Variants in SLC25A26 observed in about 807,000 individuals in gnomAD.
SLC25A26 encodes solute carrier family 25 member 26.
In SLC25A26, 36 loss-of-function variants were observed where a neutral mutation model predicts 37.8. The observed-to-expected ratio is 0.95, with a 90% CI of 0.73 to 1.26. The LOEUF (loss-of-function observed/expected upper bound fraction) is 1.26. Ranked by LOEUF, SLC25A26 falls within the 50% of genes most tolerant of loss-of-function variation. The pLI, the probability that SLC25A26 is intolerant of heterozygous loss-of-function variation, is 0.00. For missense variants in SLC25A26, 390 were observed against 331.1 expected, an observed-to-expected ratio of 1.18 and a Z score of -1.38; for synonymous variants, 129 against 122.5, an observed-to-expected ratio of 1.05 and a Z score of -0.35.
intron 5 of SLC25A26, among the ~76,000 whole-genome samples, chr3:66,292,458 G>T (rs141311661): frequency 1.4e-4 from 22 of 152,216 alleles, no homozygotes; most frequent in African/African-American, 4.8e-4. Flanking sequence ...TCCATATTTA[G>T]TGCTTCCTTC....
chr3:66,310,182 C>G (rs886098948), intron 5 of SLC25A26, among the ~76,000 whole-genome samples: 16 of 152,148 alleles, frequency 1.1e-4, no homozygotes, highest in African/African-American at 3.9e-4. Flanking sequence ...TCTGAGTGCT[C>G]CTGTATTGGG....
intron 1 of SLC25A26, among the ~76,000 whole-genome samples, chr3:66,224,132 T>A (rs2106896614): frequency 6.6e-6 from 1 of 152,348 alleles, no homozygotes; most frequent in Non-Finnish European, 1.5e-5. Context: ...TGCTTGTACC[T>A]AATTAAAGCT....
At chr3:66,259,996 C>A (rs2073457517) in intron 3 of SLC25A26, among the ~76,000 whole-genome samples, 1 of 152,200 alleles carries the variant, frequency 6.6e-6, no homozygotes, top group East Asian at 1.9e-4. Flanking sequence ...GCTGATTCCC[C>A]TGAACACCCT....
intron 3 of SLC25A26, among the ~76,000 whole-genome samples, chr3:66,254,595 C>T (rs1394107521): frequency 6.6e-6 from 1 of 152,198 alleles, no homozygotes; most frequent in Non-Finnish European, 1.5e-5. Flanking sequence ...GAAATTAAAC[C>T]TTGAACCTCT....
At chr3:66,184,588 C>CTCACCTTGAGTTTACTATGTATTACATGG in intron 1 of SLC25A26, among the ~76,000 whole-genome samples, 1 of 152,286 alleles carries the variant, frequency 6.6e-6, no homozygotes, top group Non-Finnish European at 1.5e-5. Context: ...CCTGACTCTG[C>CTCACCTTGAGTTTACTATGTATTACATGG]TCACCTTGAG....
chr3:66,141,370 C>A (rs115744750), intron 1 of SLC25A26, among the ~76,000 whole-genome samples: 1,694 of 151,952 alleles, frequency 0.011, 16 homozygotes, highest in Non-Finnish European at 0.016. Context: ...GCGACTACAG[C>A]CATGTACCAC....
At chr3:66,184,620 A>ACCTTGAGTTTACTATGT (rs2070788205) in intron 1 of SLC25A26, among the ~76,000 whole-genome samples, 11 of 151,904 alleles carry the variant, frequency 7.2e-5, no homozygotes, top group African/African-American at 1.4e-4. Flanking sequence ...TTACATGCTC[A>ACCTTGAGTTTACTATGT]ACCAAATCCT....
chr3:66,275,079 T>G (rs930397913), intron 5 of SLC25A26, among the ~76,000 whole-genome samples: 11 of 151,828 alleles, frequency 7.2e-5, no homozygotes, highest in African/African-American at 2.7e-4. Context: ...CCATAAAAAA[T>G]GATGAGTTAA....
chr3:66,134,207 C>A (rs1452119147), intron 1 of SLC25A26, among the ~76,000 whole-genome samples: 2 of 152,130 alleles, frequency 1.3e-5, no homozygotes, highest in African/African-American at 4.8e-5. Flanking sequence ...TTGTGATAAC[C>A]TTTGACACTT....
chr3:66,253,022 T>TAC (rs2073145269), intron 3 of SLC25A26, among the ~76,000 whole-genome samples: 1 of 48,440 alleles, frequency 2.1e-5, no homozygotes, highest in African/African-American at 8.0e-5. Context: ...GGCAAAATAA[T>TAC]GCCCCCCCCC....
At chr3:66,299,572 G>C (rs946030289) in intron 5 of SLC25A26, among the ~76,000 whole-genome samples, 1 of 152,168 alleles carries the variant, frequency 6.6e-6, no homozygotes, top group East Asian at 1.9e-4. Flanking sequence ...CACTAACACA[G>C]TTCCGTAGTC....
At chr3:66,141,317 C>T (rs906688615) in intron 1 of SLC25A26, among the ~76,000 whole-genome samples, 4 of 151,554 alleles carry the variant, frequency 2.6e-5, no homozygotes, top group African/African-American at 7.3e-5. Flanking sequence ...GGTCTGGCCT[C>T]GAGGGCTCAA....
Position 66,195,962 on chromosome 3 carries a change from G to A in SLC25A26, c.-353-24780G>A, listed in dbSNP as rs1015845492. 6.3e-3 allele frequency among the ~76,000 whole-genome samples: 959 copies of A among 152,330 alleles called. 11 individuals carry two copies. Among genetic ancestry groups the A allele is most frequent in the African/African-American group, 0.021 (893 of 41,582 alleles). On this transcript the variant is annotated intron_variant, in intron 1 of 10. Transcript: ENST00000676754. ...GTCCGCCTTTTGGCTAAGATCAAGCGTAGGAGCTATTGATATACATTTATT... is the reference window on the plus strand; with the variant it reads ...GTCCGCCTTTTGGCTAAGATCAAGCATAGGAGCTATTGATATACATTTATT...
chr3:66,346,573 T>G (rs2076328332), intron 6 of SLC25A26, 165 bp downstream of exon 6: 1 of 157,176 alleles, frequency 6.4e-6, no homozygotes, highest in African/African-American at 2.4e-5. Context: ...TTCAGCCTTT[T>G]AAACTTGTTC....
intron 1 of SLC25A26, among the ~76,000 whole-genome samples, chr3:66,230,664 G>A (rs983232546): frequency 1.3e-5 from 2 of 151,904 alleles, no homozygotes; most frequent in Non-Finnish European, 2.9e-5. Context: ...AATTAGCCGG[G>A]CATGGTGGCT....
At chr3:66,290,845 G>T (rs578048343) in intron 5 of SLC25A26, among the ~76,000 whole-genome samples, 1 of 152,278 alleles carries the variant, frequency 6.6e-6, no homozygotes, top group Non-Finnish European at 1.5e-5. Flanking sequence ...AATTACGGAG[G>T]AGCCCCTCTT....
intron 5 of SLC25A26, among the ~76,000 whole-genome samples, chr3:66,283,523 C>T (rs1263813508): frequency 6.6e-6 from 1 of 152,166 alleles, no homozygotes; most frequent in Non-Finnish European, 1.5e-5. Context: ...CTCAAGCAGT[C>T]TGCCTACCTT....
rs1054376477 is a variant in SLC25A26, at chr3:66,288,557, A to C, written c.453+25178A>C. ...TGTTCTCATTGTTCAACTCCCACTTATGAGTGGGAACATGCAGTGTTTGGT... is the reference window on the plus strand; with the variant it reads ...TGTTCTCATTGTTCAACTCCCACTTCTGAGTGGGAACATGCAGTGTTTGGT... On this transcript the variant is annotated intron_variant, in intron 5 of 9. Transcript: ENST00000354883. Among the ~76,000 whole-genome samples, 18 of 152,140 alleles carry C rather than the reference A, an allele frequency of 1.2e-4. 1 individual carries two copies. In the East Asian group the frequency reaches 3.1e-3, roughly 26 times the overall value.
chr3:66,289,862 A>G (rs780801144), intron 5 of SLC25A26, among the ~76,000 whole-genome samples: 2 of 152,148 alleles, frequency 1.3e-5, no homozygotes, highest in Admixed American at 6.6e-5. Context: ...AAGAAAGTCA[A>G]TGGTAGCTTG....
Sources: allele counts gnomAD v4.1 joint callset (sites outside exome capture counted in the v4.1 genomes callset), GRCh38; gene constraint gnomAD v4.1.1; transcripts MANE v1.5; gene names NCBI Gene and HGNC (gene_info 2026-07-23, HGNC 2026-07-21).